The following EMP2 variants were observed in gnomAD, a reference collection of about 807,000 sequenced individuals.
EMP2 encodes epithelial membrane protein 2.
Under a neutral mutation model 13.7 loss-of-function variants are expected in EMP2, and 19 were observed. That is an observed-to-expected ratio of 1.38 (90% confidence interval 0.97 to 2.03). The LOEUF (loss-of-function observed/expected upper bound fraction) is 2.03. Among genes scored for constraint, EMP2 ranks in the 30% most tolerant of loss-of-function variants. The probability of loss-of-function intolerance (pLI) is 0.00; values close to 1 mark genes in which losing one functional copy is unlikely to be tolerated. For synonymous variants in EMP2, 97 were observed against 84.7 expected, an observed-to-expected ratio of 1.15 and a Z score of -0.80; for missense variants, 253 against 220.7, an observed-to-expected ratio of 1.15 and a Z score of -0.93.
At chr16:10,578,868 T>C (rs561544854) in intron 1 of EMP2, among the ~76,000 whole-genome samples, 1 of 152,230 alleles carries the variant, frequency 6.6e-6, no homozygotes, top group Non-Finnish European at 1.5e-5. Context: ...GCTGTAGTCT[T>C]GGCATTTGCC....
chr16:10,577,699 GAC>G (rs1344763109), intron 1 of EMP2, among the ~76,000 whole-genome samples: 1 of 151,468 alleles, frequency 6.6e-6, no homozygotes, highest in Non-Finnish European at 1.5e-5. Flanking sequence ...GAGACACCCG[GAC>G]ACACACACAC....
Position 10,543,671 on chromosome 16 carries a change from A to G in EMP2, c.79-11T>C, listed in dbSNP as rs987239912. The G allele has an allele frequency of 1.1e-5, 18 of 1,613,840 alleles. No homozygotes were observed. Among genetic ancestry groups the G allele is most frequent in the Non-Finnish European group, 1.5e-5 (18 of 1,179,814 alleles). On this transcript the variant is annotated splice_polypyrimidine_tract_variant and intron_variant, in intron 2 of 4. Coordinates refer to ENST00000359543, the MANE Select transcript of EMP2 (RefSeq NM_001424.6). ...TCCTACCCACCAGGCCTGTAACACA[A>G]AATGGAAATAGAGAGAAAGGCCGTC...
Position 10,550,384 on chromosome 16 carries a change from C to G in EMP2, c.-60-2707G>C, listed in dbSNP as rs79320877. Among the ~76,000 whole-genome samples, 940 of 152,308 alleles carry G rather than the reference C, an allele frequency of 6.2e-3. 14 individuals carry two copies. Among genetic ancestry groups the G allele is most frequent in the African/African-American group, 0.022 (906 of 41,554 alleles). ...TTTCGTTTCAGGTCTCTTTAGTCCC[C>G]TTTAATCTGGAATACTTCCTCAGGT... is the stretch of plus-strand genomic sequence containing the variant. On this transcript the variant is annotated intron_variant, in intron 1 of 4. Transcript: ENST00000359543.
rs57593107 is a variant in EMP2, at chr16:10,540,527, C to CAAATAAAT, written c.170-2461_170-2454dup. 1.3e-4 allele frequency among the ~76,000 whole-genome samples: 20 copies of CAAATAAAT among 150,986 alleles called. 1 individual carries two copies. Among genetic ancestry groups the CAAATAAAT allele is most frequent in the East Asian group, 5.9e-4 (3 of 5,118 alleles). On this transcript the variant is annotated intron_variant, in intron 3 of 4. Transcript: ENST00000359543. Reference sequence around the variant, plus strand: ...TCTCAAAAATAAATAAATAAATAAACAAATAAATAAATAGATTTCTCTAAG... The same window carrying CAAATAAAT: ...TCTCAAAAATAAATAAATAAATAAACAAATAAATAAATAAATAAATAGATTTCTCTAAG...
intron 3 of EMP2, among the ~76,000 whole-genome samples, chr16:10,540,644 G>A (rs1257516095): frequency 6.6e-6 from 1 of 152,120 alleles, no homozygotes; most frequent in African/African-American, 2.4e-5. Flanking sequence ...TTTTTAACAT[G>A]AAAAGGACCA....
intron 2 of EMP2, 115 bp from the exon 3 acceptor site, chr16:10,543,775 T>A: frequency 1.0e-6 from 1 of 955,520 alleles, no homozygotes; most frequent in Non-Finnish European, 1.7e-6. Flanking sequence ...GCAACACATG[T>A]GAGAATTGCC....
At chr16:10,573,268 C>T (rs2050960222) in intron 1 of EMP2, among the ~76,000 whole-genome samples, 1 of 152,088 alleles carries the variant, frequency 6.6e-6, no homozygotes, top group Non-Finnish European at 1.5e-5. Context: ...CCAGGCTGGT[C>T]TCAAAACTCC....
Position 10,532,928 on chromosome 16 carries a change from G to A in EMP2, c.481C>T (p.Leu161=). ...CTCTATTTGCGCTTCCTCAGTATCA[G>A]GTACATCATGCCGCTGATGAAGGTG... is the stretch of plus-strand genomic sequence containing the variant. ...ACTFISGMMY[L]ILRKRK is the part of the protein sequence containing the mutation. The change falls in exon 5 of 5, where the codon CTG becomes TTG. Residue 161 remains leucine, a synonymous_variant. Coordinates refer to ENST00000359543, the MANE Select transcript of EMP2 (RefSeq NM_001424.6). 4 of 1,597,726 alleles carry A rather than the reference G, an allele frequency of 2.5e-6. No homozygotes were observed. Among genetic ancestry groups the A allele is most frequent in the East Asian group, 4.5e-5 (2 of 44,332 alleles).
chr16:10,538,523 T>C (rs1006446123), intron 3 of EMP2, among the ~76,000 whole-genome samples: 2 of 152,188 alleles, frequency 1.3e-5, no homozygotes, highest in African/African-American at 4.8e-5. Context: ...TGTGAGGTGC[T>C]CTGTGGACTC....
At chr16:10,554,604 GAATT>G (rs1352893000) in intron 1 of EMP2, among the ~76,000 whole-genome samples, 1 of 152,166 alleles carries the variant, frequency 6.6e-6, no homozygotes, top group Admixed American at 6.5e-5. Flanking sequence ...GGTGGCATCA[GAATT>G]AATCCTTGCC....
chr16:10,539,952 T>A (rs895198058), intron 3 of EMP2, among the ~76,000 whole-genome samples: 1 of 152,080 alleles, frequency 6.6e-6, no homozygotes, highest in African/African-American at 2.4e-5. Flanking sequence ...CCCCTGGAGA[T>A]TCTGCTACCA....
intron 3 of EMP2, among the ~76,000 whole-genome samples, chr16:10,538,364 G>T (rs532957289): frequency 6.6e-6 from 1 of 152,324 alleles, no homozygotes; most frequent in South Asian, 2.1e-4. Flanking sequence ...GACCCCACAT[G>T]CTTGGCTCAT....
intron 4 of EMP2, among the ~76,000 whole-genome samples, chr16:10,533,492 C>A (rs1241104367): frequency 6.6e-6 from 1 of 152,130 alleles, no homozygotes; most frequent in Non-Finnish European, 1.5e-5. Context: ...CATCACCAAC[C>A]CAGAGGGTGA....
In EMP2 at chr16:10,532,758, CTTT is replaced by C. The variant is rs878927571; in HGVS notation, c.*144_*146del. ...CTTTTGGATTTTTTTTTTCTTTTTT[CTTT>C]TTTTTTTTTTTTTTTTTTTTTTTTT... On this transcript the variant is annotated 3_prime_UTR_variant, in exon 5 of 5. Transcript: ENST00000359543. 4.9e-3 allele frequency: 897 copies of C among 184,516 alleles called. 7 individuals are homozygous for C. Among genetic ancestry groups the C allele is most frequent in the African/African-American group, 0.02 (463 of 23,624 alleles). The allele number at this position is 184,516 out of a possible 1,614,324, so 11.4% of individuals were successfully genotyped here.
intron 1 of EMP2, among the ~76,000 whole-genome samples, chr16:10,573,475 A>T (rs1429679307): frequency 6.6e-6 from 1 of 152,110 alleles, no homozygotes; most frequent in Non-Finnish European, 1.5e-5. Flanking sequence ...ACTGGTCATC[A>T]TTTCCTTGTC....
intron 1 of EMP2, among the ~76,000 whole-genome samples, chr16:10,565,271 A>G (rs1995546): frequency 0.74 from 112,129 of 152,172 alleles, 42,402 homozygotes; most frequent in African/African-American, 0.9. Flanking sequence ...CTGGGTCACA[A>G]TGTTTCTGTG....
At chr16:10,545,544 G>C (rs1254806887) in intron 2 of EMP2, 1 of 153,890 alleles carries the variant, frequency 6.5e-6, no homozygotes, top group Non-Finnish European at 1.4e-5. Flanking sequence ...AACTGTGCAT[G>C]CCAGGGATCT....
chr16:10,577,724 C>T (rs1310520935), intron 1 of EMP2, among the ~76,000 whole-genome samples: 1 of 152,144 alleles, frequency 6.6e-6, no homozygotes, highest in Non-Finnish European at 1.5e-5. Flanking sequence ...CCCTCCTGCA[C>T]AGGCATCCCG....
intron 4 of EMP2, among the ~76,000 whole-genome samples, chr16:10,535,318 C>T (rs1427178431): frequency 1.3e-5 from 2 of 151,938 alleles, no homozygotes; most frequent in South Asian, 2.1e-4. Context: ...TATTAAAATA[C>T]GGGGGAATTT....
Sources: gnomAD v4.1 joint callset for allele counts (sites outside exome capture counted in the v4.1 genomes callset) on GRCh38, gnomAD v4.1.1 for gene constraint, MANE v1.5 for transcripts, NCBI Gene and HGNC (gene_info 2026-07-23, HGNC 2026-07-21) for gene names.